The following GRIK4 variants were observed in gnomAD, a reference collection of about 807,000 sequenced individuals.
The protein encoded by GRIK4 is glutamate receptor ionotropic, kainate 4.
A neutral mutation model predicts 104.9 loss-of-function variants in GRIK4; 40 were observed. That is an observed-to-expected ratio of 0.38 (90% confidence interval 0.30 to 0.50). GRIK4 has a LOEUF of 0.50. Ranked by LOEUF, GRIK4 falls within the 20% of genes least tolerant of loss-of-function variation. The pLI, the probability that GRIK4 is intolerant of heterozygous loss-of-function variation, is 0.93. For missense variants in GRIK4, 1,047 were observed against 1,308.1 expected (o/e 0.80, Z 3.08); for synonymous variants, 485 against 524.9 (o/e 0.92, Z 1.04).
chr11:120,854,511 G>T (rs1028729368), intron 8 of GRIK4, among the ~76,000 whole-genome samples: 4 of 152,194 alleles, frequency 2.6e-5, no homozygotes, highest in Admixed American at 6.5e-5. Context: ...AGCTGTTAAG[G>T]TTCTTGGACT....
At chr11:120,749,865 T>G (rs1193742210) in intron 3 of GRIK4, among the ~76,000 whole-genome samples, 1 of 152,212 alleles carries the variant, frequency 6.6e-6, no homozygotes, top group African/African-American at 2.4e-5. Context: ...ATTAATTTTT[T>G]GCTGACAGAT....
intron 3 of GRIK4, among the ~76,000 whole-genome samples, chr11:120,790,680 A>T (rs916635224): frequency 6.6e-6 from 1 of 152,174 alleles, no homozygotes; most frequent in African/African-American, 2.4e-5. Context: ...TCTGCAGTGG[A>T]GAGTAGCTAG....
intron 6 of GRIK4, among the ~76,000 whole-genome samples, chr11:120,829,134 G>C (rs1224990865): frequency 6.6e-6 from 1 of 152,090 alleles, no homozygotes; most frequent in Non-Finnish European, 1.5e-5. Flanking sequence ...GGTTGCCTTT[G>C]CCACCCCTTG....
intron 20 of GRIK4, among the ~76,000 whole-genome samples, chr11:120,984,963 A>C (rs1386787636): frequency 6.6e-6 from 1 of 151,220 alleles, no homozygotes; most frequent in Non-Finnish European, 1.5e-5. Flanking sequence ...CGAGTAGCTG[A>C]GATTACAGGC....
intron 11 of GRIK4, among the ~76,000 whole-genome samples, chr11:120,892,802 C>T (rs775385221): frequency 2.0e-5 from 3 of 152,184 alleles, no homozygotes; most frequent in Non-Finnish European, 4.4e-5. Flanking sequence ...GCCACGGAAC[C>T]ATTCACTACA....
intron 1 of GRIK4, among the ~76,000 whole-genome samples, chr11:120,591,259 AGGAGGCAG>A (rs996409868): frequency 4.6e-5 from 7 of 151,710 alleles, no homozygotes; most frequent in Admixed American, 1.3e-4. Flanking sequence ...CCTGGATGTC[AGGAGGCAG>A]GGAGGCATCA....
chr11:120,715,374 A>G (rs1950810625), intron 3 of GRIK4, among the ~76,000 whole-genome samples: 1 of 152,202 alleles, frequency 6.6e-6, no homozygotes, highest in Admixed American at 6.5e-5. Context: ...GTTGTCGGAA[A>G]GCGGTGGGTC....
intron 19 of GRIK4, among the ~76,000 whole-genome samples, chr11:120,974,595 C>T (rs1252436487): frequency 2.6e-5 from 4 of 152,354 alleles, no homozygotes; most frequent in East Asian, 3.9e-4. Flanking sequence ...TCCAATATTA[C>T]AGCTCAAACA....
chr11:120,564,877 T>A (rs1203439515), intron 1 of GRIK4, among the ~76,000 whole-genome samples: 1 of 152,092 alleles, frequency 6.6e-6, no homozygotes. Flanking sequence ...GGCTCAGGAC[T>A]TCGCACAAGG....
Position 120,953,391 on chromosome 11 carries a change from A to G in GRIK4, c.1700+427A>G, listed in dbSNP as rs1944054210. ...AGGATCTGCCACAAAGTGCCGAATG[A>G]CAAGGAACAGAGCCTGCAAATCTGG... On this transcript the variant is annotated intron_variant, in intron 15 of 20. Coordinates refer to ENST00000527524, the MANE Select transcript of GRIK4 (RefSeq NM_014619.5). The surrounding 1 kb of genome is among the most constrained non-coding windows in gnomAD (Gnocchi z 4.9). Among the ~76,000 whole-genome samples, 1 of 151,960 alleles carries G rather than the reference A, an allele frequency of 6.6e-6. No individual in the cohort carries two copies. Among genetic ancestry groups the G allele is most frequent in the Non-Finnish European group, 1.5e-5 (1 of 67,994 alleles).
intron 1 of GRIK4, among the ~76,000 whole-genome samples, chr11:120,625,768 G>A (rs1214765705): frequency 6.6e-6 from 1 of 152,034 alleles, no homozygotes; most frequent in Non-Finnish European, 1.5e-5. Flanking sequence ...AGCTGGCTGG[G>A]TGAATCAGAA....
intron 3 of GRIK4, among the ~76,000 whole-genome samples, chr11:120,761,498 G>A (rs1405034948): frequency 5.3e-5 from 8 of 152,150 alleles, no homozygotes; most frequent in African/African-American, 1.9e-4. Context: ...ATTGCTTTTG[G>A]TGTTTTAGTC....
At position 120,639,716 on chromosome 11, in the gene GRIK4, G is replaced by A. The variant is rs572236197; in HGVS notation, c.-158-13969G>A. On this transcript the variant is annotated intron_variant, in intron 1 of 20. Coordinates refer to ENST00000527524, the MANE Select transcript of GRIK4 (RefSeq NM_014619.5). Reference sequence around the variant, plus strand: ...ACTTCTACCTTCCTCATGTCTATCTGTCTCCAGGACCTCTTCAGTGCCCAC... The same window carrying A: ...ACTTCTACCTTCCTCATGTCTATCTATCTCCAGGACCTCTTCAGTGCCCAC... Among the ~76,000 whole-genome samples, 8 of 152,264 alleles carry A rather than the reference G, an allele frequency of 5.3e-5. No homozygotes were observed. In the South Asian group the frequency reaches 1.7e-3, roughly 32 times the overall value.
In GRIK4 at chr11:120,524,488, G is replaced by A. The variant is rs1294598741; in HGVS notation, c.-159+12601G>A. On this transcript the variant is annotated intron_variant, in intron 1 of 20. Transcript: ENST00000527524. The surrounding 1 kb of genome is among the most constrained non-coding windows in gnomAD (Gnocchi z 4.5). ...ACTGGTTTCTCAGGTTAGTGTAGCC[G>A]GCGATGGAGCTGAACCAGTACAAAG... Among the ~76,000 whole-genome samples, 2 of 152,266 alleles carry A rather than the reference G, an allele frequency of 1.3e-5. No homozygotes were observed. Among genetic ancestry groups the A allele is most frequent in the South Asian group, 2.1e-4 (1 of 4,822 alleles).
rs144411846 is a variant in GRIK4 at position 120,676,924 on chromosome 11, C to T, written c.82+16524C>T. Among the ~76,000 whole-genome samples the T allele has an allele frequency of 2.6e-4, 39 of 152,310 alleles. No individual in the cohort carries two copies. In the East Asian group the frequency reaches 7.3e-3, roughly 29 times the overall value. ...TGTGGGAGGCTAAGCCGCTGGAAAA[C>T]CTTCTCATGAGCAGTTCCATGTGCA... On this transcript the variant is annotated intron_variant, in intron 3 of 20. Transcript: ENST00000527524.
chr11:120,982,268 G>A (rs2134801185), intron 20 of GRIK4, 44 bp downstream of exon 20: 3 of 1,043,940 alleles, frequency 2.9e-6, no homozygotes, highest in Middle Eastern at 2.0e-4. Flanking sequence ...GGCAGATGGG[G>A]TGAAGTTCAC....
At chr11:120,790,593 T>C (rs1368817947) in intron 3 of GRIK4, among the ~76,000 whole-genome samples, 1 of 152,160 alleles carries the variant, frequency 6.6e-6, no homozygotes, top group African/African-American at 2.4e-5. Flanking sequence ...TAAGTGGTCA[T>C]AGAATTCAGT....
At chr11:120,981,079 C>A (rs1163045227) in intron 19 of GRIK4, among the ~76,000 whole-genome samples, 1 of 152,146 alleles carries the variant, frequency 6.6e-6, no homozygotes, top group African/African-American at 2.4e-5. Flanking sequence ...GATGTGCAAG[C>A]ATTCCTGAAA....
intron 2 of GRIK4, among the ~76,000 whole-genome samples, chr11:120,657,860 C>A (rs1454505109): frequency 6.6e-6 from 1 of 152,136 alleles, no homozygotes; most frequent in Non-Finnish European, 1.5e-5. Flanking sequence ...AAAGTGCACA[C>A]CCCATAAGTT....
Sources: allele counts gnomAD v4.1 joint callset (sites outside exome capture counted in the v4.1 genomes callset), GRCh38; gene constraint gnomAD v4.1.1; non-coding constraint Gnocchi (gnomAD v3.1); transcripts MANE v1.5; gene names NCBI Gene and HGNC (gene_info 2026-07-23, HGNC 2026-07-21).